The following THSD4 variants were observed in gnomAD, a reference collection of about 807,000 sequenced individuals.
THSD4 encodes thrombospondin type 1 domain containing 4.
In THSD4, 69 loss-of-function variants were observed where a neutral mutation model predicts 119.0. The ratio of observed to expected loss-of-function variants is 0.58; its 90% CI spans 0.48 to 0.71. The LOEUF (loss-of-function observed/expected upper bound fraction) is 0.71, where lower values mean the gene tolerates loss of function less well. Ranked by LOEUF, THSD4 falls within the 30% of genes least tolerant of loss-of-function variation. The pLI is 0.00. For missense variants in THSD4, 1,393 were observed against 1,391.1 expected (o/e 1.00, Z -0.02); for synonymous variants, 524 against 540.4 (o/e 0.97, Z 0.42).
intron 3 of THSD4, among the ~76,000 whole-genome samples, chr15:71,165,595 C>T (rs551964865): frequency 2.6e-5 from 4 of 152,104 alleles, no homozygotes; most frequent in South Asian, 2.1e-4. Context: ...GGTTGTTGGT[C>T]GGGAATGGTA....
chr15:71,579,077 T>A (rs918580718), intron 7 of THSD4, among the ~76,000 whole-genome samples: 11 of 151,742 alleles, frequency 7.2e-5, no homozygotes, highest in Non-Finnish European at 1.6e-4. Flanking sequence ...TCTCCTGACC[T>A]CGTGATCCAC....
chr15:71,265,771 G>A (rs866232693), intron 6 of THSD4, among the ~76,000 whole-genome samples: 18 of 152,162 alleles, frequency 1.2e-4, no homozygotes, highest in Admixed American at 2.0e-4. Context: ...TTTGTGGGGG[G>A]GGAGGGGCAT....
intron 6 of THSD4, among the ~76,000 whole-genome samples, chr15:71,401,020 C>G (rs114826785): frequency 0.013 from 1,950 of 152,194 alleles, 37 homozygotes; most frequent in African/African-American, 0.045. Flanking sequence ...ACTGAAATGA[C>G]AGTGGGAGAA....
chr15:71,299,969 AAAAAAAAATAT>A (rs1386217562), intron 6 of THSD4, among the ~76,000 whole-genome samples: 1 of 72,584 alleles, frequency 1.4e-5, no homozygotes. Context: ...CCAAAAAAAA[AAAAAAAAATAT>A]ATATATATAT....
Position 71,431,813 on chromosome 15 carries a change from TTA to T in THSD4, c.1152+19994_1152+19995del, listed in dbSNP as rs368963409. On this transcript the variant is annotated intron_variant, in intron 7 of 17. Transcript: ENST00000261862. ...GCAACCCTCCAGAACACCAAGAATGTTATATGTGTCATAGCCTATAATTTATG... is the reference window on the plus strand; with the variant it reads ...GCAACCCTCCAGAACACCAAGAATGTTATGTGTCATAGCCTATAATTTATG... Among the ~76,000 whole-genome samples the T allele has an allele frequency of 3.0e-4, 46 of 152,290 alleles. No individual in the cohort carries two copies. In the East Asian group the frequency reaches 7.9e-3, roughly 26 times the overall value.
intron 6 of THSD4, among the ~76,000 whole-genome samples, chr15:71,294,855 C>T (rs774889667): frequency 1.2e-4 from 18 of 149,868 alleles, no homozygotes; most frequent in Non-Finnish European, 2.2e-4. Context: ...TTTGATGCGT[C>T]GGTGGTCACT....
chr15:71,374,156 A>G (rs571187810), intron 6 of THSD4, among the ~76,000 whole-genome samples: 1 of 152,218 alleles, frequency 6.6e-6, no homozygotes, highest in Non-Finnish European at 1.5e-5. Context: ...TCAGTACTAC[A>G]GTCCTTCTGC....
chr15:71,384,085 G>T (rs8031880), intron 6 of THSD4, among the ~76,000 whole-genome samples: 2,741 of 152,238 alleles, frequency 0.018, 93 homozygotes, highest in African/African-American at 0.063. Flanking sequence ...ATAGGGCAAA[G>T]AAACTATTTT....
At chr15:71,392,272 TC>T (rs2046388690) in intron 6 of THSD4, among the ~76,000 whole-genome samples, 1 of 152,220 alleles carries the variant, frequency 6.6e-6, no homozygotes, top group African/African-American at 2.4e-5. Flanking sequence ...TTCCCCTACT[TC>T]CCTAGGCATC....
In THSD4 at chr15:71,273,983, A is replaced by G. The variant is rs976388846; in HGVS notation, c.1015+17268A>G. On this transcript the variant is annotated intron_variant, in intron 6 of 17. Coordinates refer to ENST00000261862, the MANE Select transcript of THSD4 (RefSeq NM_024817.3). ...AGTCTCATTAGTGTGCTGCTGCTGC[A>G]ATGGAAAATTCCAGCAGGTTTCTCC... Among the ~76,000 whole-genome samples the G allele has an allele frequency of 3.9e-5, 6 of 152,340 alleles. No individual in the cohort carries two copies. In the East Asian group the frequency reaches 1.2e-3, roughly 29 times the overall value.
chr15:71,649,278 T>G (rs1315588626), intron 7 of THSD4, among the ~76,000 whole-genome samples: 1 of 142,662 alleles, frequency 7.0e-6, no homozygotes, highest in East Asian at 2.7e-4. Flanking sequence ...TTTTGTTTGT[T>G]TTTTGTTTTT....
At chr15:71,722,031 T>C (rs908259113) in intron 8 of THSD4, among the ~76,000 whole-genome samples, 1 of 152,028 alleles carries the variant, frequency 6.6e-6, no homozygotes, top group African/African-American at 2.4e-5. Context: ...GGTATCTTTA[T>C]ATTGACATAG....
rs775849495 is a variant in THSD4, at chr15:71,737,712, T to C, written c.1631-20T>C. On this transcript the variant is annotated intron_variant, in intron 10 of 17. Transcript: ENST00000261862. The stretch of plus-strand genomic sequence containing the variant: ...TCTAAACTGATCCTGATTCTGTGTG[T>C]GCACGCTCACCTCTCCTAGGGGAAC... 2.5e-6 allele frequency: 4 copies of C among 1,583,248 alleles called. No homozygotes were observed. The South Asian group carries it at 3.5e-5, about 14-fold the overall frequency.
At chr15:71,732,364 C>T (rs1406997590) in intron 10 of THSD4, 1 of 152,182 alleles carries the variant, frequency 6.6e-6, no homozygotes, top group Non-Finnish European at 1.5e-5. Context: ...TCCTGGTGGG[C>T]TCTGCTTATG....
chr15:71,556,547 C>T (rs181108822), intron 7 of THSD4, among the ~76,000 whole-genome samples: 95 of 151,776 alleles, frequency 6.3e-4, no homozygotes, highest in Non-Finnish European at 1.6e-4. Context: ...CCCAGGAGTT[C>T]GAGACCAGCC....
intron 8 of THSD4, among the ~76,000 whole-genome samples, chr15:71,727,368 A>G (rs1317593128): frequency 6.6e-6 from 1 of 151,674 alleles, no homozygotes; most frequent in Non-Finnish European, 1.5e-5. Context: ...TAGCTTTGCC[A>G]CTTGTAGTAG....
chr15:71,601,871 C>T (rs1473038627), intron 7 of THSD4, among the ~76,000 whole-genome samples: 1 of 152,210 alleles, frequency 6.6e-6, no homozygotes, highest in Non-Finnish European at 1.5e-5. Context: ...AGAATAAACA[C>T]AAGTTTGATT....
At position 71,234,464 on chromosome 15, in the gene THSD4, C is replaced by T. The variant is rs541963580; in HGVS notation, c.465-8185C>T. Reference sequence around the variant, plus strand: ...GGACCACAGGCATATACCCACCACGCCCAGCTGATTTTTGTATTTTTAGTA... The same window carrying T: ...GGACCACAGGCATATACCCACCACGTCCAGCTGATTTTTGTATTTTTAGTA... On this transcript the variant is annotated intron_variant, in intron 4 of 17. Coordinates refer to ENST00000261862, the MANE Select transcript of THSD4 (RefSeq NM_024817.3). 2.0e-5 allele frequency among the ~76,000 whole-genome samples: 3 copies of T among 152,272 alleles called. No individual in the cohort carries two copies. In the East Asian group the frequency reaches 5.8e-4, roughly 29 times the overall value.
intron 7 of THSD4, among the ~76,000 whole-genome samples, chr15:71,474,593 T>C (rs1166337269): frequency 6.6e-6 from 1 of 152,200 alleles, no homozygotes; most frequent in Non-Finnish European, 1.5e-5. Context: ...TTGTACCAGC[T>C]GTTTTCTTCT....
Sources: allele counts gnomAD v4.1 joint callset (sites outside exome capture counted in the v4.1 genomes callset), GRCh38; gene constraint gnomAD v4.1.1; transcripts MANE v1.5; gene names NCBI Gene and HGNC (gene_info 2026-07-23, HGNC 2026-07-21).